Variants in ERBB4 observed in about 807,000 individuals in gnomAD.
ERBB4 encodes the protein erb-b2 receptor tyrosine kinase 4, also known as receptor tyrosine-protein kinase erbB-4.
Under a neutral mutation model 158.0 loss-of-function variants are expected in ERBB4, and 42 were observed. The ratio of observed to expected loss-of-function variants is 0.27; its 90% CI spans 0.21 to 0.34. The LOEUF (loss-of-function observed/expected upper bound fraction) is 0.34. Among genes scored for constraint, ERBB4 ranks in the 10% least tolerant of loss-of-function variants. The probability of loss-of-function intolerance (pLI) is 1.00; values close to 1 mark genes in which losing one functional copy is unlikely to be tolerated. For missense variants in ERBB4, 1,333 were observed against 1,624.1 expected, an observed-to-expected ratio of 0.82 and a Z score of 3.08; for synonymous variants, 583 against 558.7, an observed-to-expected ratio of 1.04 and a Z score of -0.61.
At chr2:212,103,433 C>A (rs910851581) in intron 2 of ERBB4, among the ~76,000 whole-genome samples, 1 of 151,878 alleles carries the variant, frequency 6.6e-6, no homozygotes, top group East Asian at 1.9e-4. Flanking sequence ...TGCAATATAA[C>A]CAAAATATTA....
intron 2 of ERBB4, among the ~76,000 whole-genome samples, chr2:211,967,125 C>T (rs2125191011): frequency 6.6e-6 from 1 of 152,186 alleles, no homozygotes; most frequent in African/African-American, 2.4e-5. Flanking sequence ...GTGAATTCTA[C>T]ACAGAAACAA....
chr2:211,509,388 G>A (rs1255577072), intron 20 of ERBB4, among the ~76,000 whole-genome samples: 1 of 151,998 alleles, frequency 6.6e-6, no homozygotes, highest in Non-Finnish European at 1.5e-5. Context: ...TAACTGGCTA[G>A]CCATATTCAG....
At chr2:211,715,124 A>G (rs1261235648) in intron 7 of ERBB4, among the ~76,000 whole-genome samples, 1 of 152,200 alleles carries the variant, frequency 6.6e-6, no homozygotes, top group African/African-American at 2.4e-5. Flanking sequence ...TTGATTACTC[A>G]TTTTGTATGA....
chr2:211,908,999 A>T (rs2079471875), intron 3 of ERBB4, among the ~76,000 whole-genome samples: 1 of 151,736 alleles, frequency 6.6e-6, no homozygotes, highest in Admixed American at 6.6e-5. Context: ...TTAAAGACTG[A>T]TTGAAAAATG....
chr2:211,448,546 A>G (rs914014587), intron 20 of ERBB4, among the ~76,000 whole-genome samples: 1 of 152,152 alleles, frequency 6.6e-6, no homozygotes, highest in African/African-American at 2.4e-5. Context: ...ATGAAGGTGC[A>G]AAGGCATATA....
At chr2:212,538,113 TCTGA>T (rs1373045636) in intron 1 of ERBB4, among the ~76,000 whole-genome samples, 1 of 152,122 alleles carries the variant, frequency 6.6e-6, no homozygotes, top group Non-Finnish European at 1.5e-5. Context: ...AAGAGTCTCC[TCTGA>T]CTGGGGATTT....
At chr2:212,172,915 T>A (rs1469990592) in intron 1 of ERBB4, among the ~76,000 whole-genome samples, 2 of 152,094 alleles carry the variant, frequency 1.3e-5, no homozygotes, top group Non-Finnish European at 2.9e-5. Context: ...AACTTCTATA[T>A]CCTGCACATG....
At chr2:212,271,083 A>G (rs1408299074) in intron 1 of ERBB4, among the ~76,000 whole-genome samples, 1 of 151,826 alleles carries the variant, frequency 6.6e-6, no homozygotes, top group African/African-American at 2.4e-5. Context: ...ATCCTATTTT[A>G]TCGAGCAGTT....
chr2:212,266,436 T>C (rs1444345400), intron 1 of ERBB4, among the ~76,000 whole-genome samples: 1 of 151,954 alleles, frequency 6.6e-6, no homozygotes, highest in Non-Finnish European at 1.5e-5. Flanking sequence ...AGTTTCAGGG[T>C]AACTTGATGG....
chr2:212,357,296 T>C (rs1019544251), intron 1 of ERBB4, among the ~76,000 whole-genome samples: 4 of 151,852 alleles, frequency 2.6e-5, no homozygotes, highest in Non-Finnish European at 2.9e-5. Flanking sequence ...CTTTAGATGG[T>C]GTCCTCATAT....
intron 20 of ERBB4, among the ~76,000 whole-genome samples, chr2:211,474,878 T>A (rs920740528): frequency 2.6e-5 from 4 of 151,566 alleles, no homozygotes; most frequent in Admixed American, 2.6e-4. Flanking sequence ...GCCAGAGAAG[T>A]AGGTGGAATG....
intron 1 of ERBB4, among the ~76,000 whole-genome samples, chr2:212,323,268 T>C (rs1425373861): frequency 6.6e-6 from 1 of 150,618 alleles, no homozygotes; most frequent in Non-Finnish European, 1.5e-5. Context: ...AATCAGGCCT[T>C]TATTTTCTCC....
intron 19 of ERBB4, among the ~76,000 whole-genome samples, chr2:211,563,003 C>A (rs2067447605): frequency 6.6e-6 from 1 of 152,026 alleles, no homozygotes; most frequent in Non-Finnish European, 1.5e-5. Context: ...TATCTCCTGA[C>A]CTTGTGATCC....
intron 3 of ERBB4, among the ~76,000 whole-genome samples, chr2:211,842,114 C>T (rs77466793): frequency 1.3e-5 from 2 of 151,584 alleles, no homozygotes; most frequent in South Asian, 2.1e-4. Flanking sequence ...ATTAAGTTGC[C>T]GATTATAGAT....
At chr2:212,041,888 T>C (rs1407496195) in intron 2 of ERBB4, among the ~76,000 whole-genome samples, 1 of 152,110 alleles carries the variant, frequency 6.6e-6, no homozygotes, top group Admixed American at 6.6e-5. Flanking sequence ...GCATCAACAC[T>C]TTCTTTTTCA....
chr2:212,253,931 G>A (rs2084632252), intron 1 of ERBB4, among the ~76,000 whole-genome samples: 1 of 152,036 alleles, frequency 6.6e-6, no homozygotes. Flanking sequence ...GTATGTTACT[G>A]TACTGAATAC....
chr2:212,291,638 A>G (rs567262504), intron 1 of ERBB4, among the ~76,000 whole-genome samples: 15 of 152,184 alleles, frequency 9.9e-5, no homozygotes, highest in African/African-American at 3.6e-4. Flanking sequence ...CTGTAGCACA[A>G]TGCTGGACAC....
intron 20 of ERBB4, among the ~76,000 whole-genome samples, chr2:211,555,174 G>A (rs1022400332): frequency 4.6e-5 from 7 of 152,018 alleles, no homozygotes; most frequent in African/African-American, 1.7e-4. Flanking sequence ...CAATTTTGGT[G>A]TTTAAGTCTG....
chr2:211,736,305 T>A (rs544214832), intron 5 of ERBB4, among the ~76,000 whole-genome samples: 2 of 152,304 alleles, frequency 1.3e-5, no homozygotes, highest in East Asian at 3.9e-4. Flanking sequence ...AGTACACATA[T>A]CCTTGATGAA....
Sources: gnomAD v4.1 joint callset for allele counts (sites outside exome capture counted in the v4.1 genomes callset) on GRCh38, gnomAD v4.1.1 for gene constraint, MANE v1.5 for transcripts, NCBI Gene and HGNC (gene_info 2026-07-23, HGNC 2026-07-21) for gene names.